The following ACADL variants were observed in gnomAD, a reference collection of about 807,000 sequenced individuals.
ACADL encodes the protein acyl-CoA dehydrogenase long chain.
Under a neutral mutation model 56.9 loss-of-function variants are expected in ACADL, and 60 were observed. That is an observed-to-expected ratio of 1.05 (90% CI 0.86 to 1.31). The LOEUF (loss-of-function observed/expected upper bound fraction) is 1.31, where lower values mean the gene tolerates loss of function less well. Among genes scored for constraint, ACADL ranks in the 50% most tolerant of loss-of-function variants. The pLI is 0.00. For missense variants in ACADL, 484 were observed against 525.5 expected (o/e 0.92, Z 0.77); for synonymous variants, 158 against 179.7 (o/e 0.88, Z 0.97).
chr2:210,223,362 A>T (rs1689208470), intron 1 of ACADL, among the ~76,000 whole-genome samples: 1 of 152,216 alleles, frequency 6.6e-6, no homozygotes, highest in South Asian at 2.1e-4. Context: ...GTTTTTTTAA[A>T]GTCTCCTACA....
intron 8 of ACADL, among the ~76,000 whole-genome samples, chr2:210,195,913 A>G (rs1688703693): frequency 6.6e-6 from 1 of 152,180 alleles, no homozygotes; most frequent in South Asian, 2.1e-4. Flanking sequence ...AGTACTAAAG[A>G]GATCAAAATC....
At chr2:210,204,487 A>T in intron 7 of ACADL, 94 bp downstream of exon 7, 1 of 969,818 alleles carries the variant, frequency 1.0e-6, no homozygotes, top group Non-Finnish European at 1.6e-6. Flanking sequence ...GCATGTATAA[A>T]TTTGAATGCA....
chr2:210,219,510 A>C (rs916787597), intron 2 of ACADL, among the ~76,000 whole-genome samples: 1 of 152,182 alleles, frequency 6.6e-6, no homozygotes, highest in Non-Finnish European at 1.5e-5. Flanking sequence ...CTCAAAAAAC[A>C]GAAGCTAGTT....
At position 210,210,372 on chromosome 2, in the gene ACADL, A is replaced by G. The variant is rs1402557249; in HGVS notation, c.537-110T>C. On this transcript the variant is annotated intron_variant, in intron 4 of 10. Coordinates refer to ENST00000233710, the MANE Select transcript of ACADL (RefSeq NM_001608.4). ...TTATTCAAACTGGCTACACCATTATAAAATTGCTGAGTATTAAGAATGTTC... is the reference window on the plus strand; with the variant it reads ...TTATTCAAACTGGCTACACCATTATGAAATTGCTGAGTATTAAGAATGTTC... 3 of 789,110 alleles carry G rather than the reference A, an allele frequency of 3.8e-6. No individual in the cohort carries two copies. The African/African-American group carries it at 5.2e-5, about 14-fold the overall frequency. 48.9% of individuals were successfully genotyped at this position (789,110 alleles called of 1,614,324 possible).
rs558630557 is a variant in ACADL, at chr2:210,195,735, T to G, written c.985-397A>C. Among the ~76,000 whole-genome samples, 26 of 152,258 alleles carry G rather than the reference T, an allele frequency of 1.7e-4. No homozygotes were observed. The South Asian group carries it at 5.2e-3, about 30-fold the overall frequency. On this transcript the variant is annotated intron_variant, in intron 8 of 10. Transcript: ENST00000233710. ...CTCCAGAGATTAAATCCTTGAAGAT[T>G]TTTTTCTTTATTAATGAAATTAAGT... is the stretch of plus-strand genomic sequence containing the variant.
At position 210,225,392 on chromosome 2, in the gene ACADL, T is replaced by A; in HGVS notation, c.-129A>T. The A allele has an allele frequency of 9.6e-7, 1 of 1,046,656 alleles. No homozygotes were observed. Among genetic ancestry groups the A allele is most frequent in the South Asian group, 1.6e-5 (1 of 61,372 alleles). 64.8% of individuals were successfully genotyped at this position (1,046,656 alleles called of 1,614,324 possible). A position where few individuals can be genotyped will look rare whatever the true frequency, so the allele number is the denominator to read the frequency against. On this transcript the variant is annotated 5_prime_UTR_variant, in exon 1 of 11. Coordinates refer to ENST00000233710, the MANE Select transcript of ACADL (RefSeq NM_001608.4). ...CTGTGGTGTCCTCCCAAAAAAGCGC[T>A]CGCGCGCGCCCTTCCGGAGCCCCAA...
intron 8 of ACADL, among the ~76,000 whole-genome samples, chr2:210,200,595 G>C (rs1025128292): frequency 6.6e-6 from 1 of 152,154 alleles, no homozygotes; most frequent in African/African-American, 2.4e-5. Context: ...ATCAAGTCAA[G>C]TCATACTGTT....
At chr2:210,223,656 TAAAAC>T (rs1430936184) in intron 1 of ACADL, among the ~76,000 whole-genome samples, 2 of 152,210 alleles carry the variant, frequency 1.3e-5, no homozygotes, top group South Asian at 2.1e-4. Context: ...CGCCAATGGA[TAAAAC>T]AGAAGCAGAT....
intron 5 of ACADL, 30 bp from the exon 6 acceptor site, chr2:210,205,826 A>C (rs1272533296): frequency 6.2e-7 from 1 of 1,611,966 alleles, no homozygotes. Context: ...TTATTAATGC[A>C]CCATGATAAT....
chr2:210,210,099 T>C, intron 5 of ACADL, 97 bp downstream of exon 5: 1 of 922,706 alleles, frequency 1.1e-6, no homozygotes, highest in South Asian at 1.4e-5. Context: ...CCTGCCTGAG[T>C]CCCTAGATTT....
intron 10 of ACADL, among the ~76,000 whole-genome samples, chr2:210,191,036 G>T (rs150692512): frequency 6.6e-5 from 10 of 151,722 alleles, no homozygotes; most frequent in African/African-American, 2.4e-4. Flanking sequence ...CATGCCTCTG[G>T]AGTAGCTGGG....
intron 3 of ACADL, chr2:210,217,643 A>T: frequency 4.8e-6 from 1 of 209,160 alleles, no homozygotes. Flanking sequence ...ATTTGATGGA[A>T]GTATATTTCT....
chr2:210,203,375 C>T lies in ACADL; in HGVS notation c.940G>A (p.Val314Ile). Reference protein sequence around the residue: ...EFMFEETRNYVKQRKAFGKTV... With the variant: ...EFMFEETRNYIKQRKAFGKTV... ...TTGCCAAAAGCTTTTCTTTGTTTAA[C>T]ATAGTTCCTGGTTTCTTCAAACATG... The change falls in exon 8 of 11, where the codon GTT (valine) becomes ATT (isoleucine). Residue 314 changes from valine (V) to isoleucine (I), a missense_variant. Physicochemically the swap from Val to Ile is conservative, Grantham distance 29. Coordinates refer to ENST00000233710, the MANE Select transcript of ACADL (RefSeq NM_001608.4). 3.7e-6 allele frequency: 6 copies of T among 1,613,570 alleles called. No individual in the cohort carries two copies. Among genetic ancestry groups the T allele is most frequent in the Non-Finnish European group, 5.1e-6 (6 of 1,179,752 alleles).
At chr2:210,216,269 TCTATGTATTAAC>T in intron 4 of ACADL, 66 bp downstream of exon 4, 2 of 1,497,090 alleles carry the variant, frequency 1.3e-6, no homozygotes, top group Non-Finnish European at 1.8e-6. Context: ...TATAGCTCAG[TCTATGTATTAAC>T]CAAGTACTAA....
intron 4 of ACADL, among the ~76,000 whole-genome samples, chr2:210,212,628 C>T (rs1156674101): frequency 1.3e-5 from 2 of 152,152 alleles, no homozygotes; most frequent in African/African-American, 4.8e-5. Flanking sequence ...CATAAAGCAA[C>T]AAATATACTC....
chr2:210,202,712 T>C (rs1467225901), intron 8 of ACADL, among the ~76,000 whole-genome samples: 1 of 152,096 alleles, frequency 6.6e-6, no homozygotes, highest in Non-Finnish European at 1.5e-5. Context: ...AAAAAATTAA[T>C]AACTCCCAAA....
intron 4 of ACADL, 63 bp from the exon 5 acceptor site, chr2:210,210,325 ATAAG>A (rs1413255279): frequency 8.3e-7 from 1 of 1,201,306 alleles, no homozygotes; most frequent in African/African-American, 1.5e-5. Flanking sequence ...TACAAATGAT[ATAAG>A]TATGTATGTA....
In ACADL at chr2:210,205,845, A is replaced by G. The variant is rs371659255; in HGVS notation, c.604-49T>C. ...TAATGCACCATGATAATTCAATTCT[A>G]TGTGCAAGTTATGATTGGGAGAAAG... On this transcript the variant is annotated intron_variant, in intron 5 of 10. Coordinates refer to ENST00000233710, the MANE Select transcript of ACADL (RefSeq NM_001608.4). 8.1e-6 allele frequency: 13 copies of G among 1,602,920 alleles called. No individual in the cohort carries two copies. In the African/African-American group the frequency reaches 1.6e-4, roughly 20 times the overall value.
rs1243614652 is a variant in ACADL at position 210,225,321 on chromosome 2, C to T, written c.-58G>A. The T allele has an allele frequency of 2.0e-6, 3 of 1,510,610 alleles. No homozygotes were observed. The highest frequency in any genetic ancestry group is 2.0e-5 in the Admixed American group (1 of 50,658). 93.6% of individuals were successfully genotyped at this position (1,510,610 alleles called of 1,614,324 possible). On this transcript the variant is annotated 5_prime_UTR_variant, in exon 1 of 11. Transcript: ENST00000233710. ...GCGACTCTGCGGCTACTCGGCGACT[C>T]GGGGCAGGGTCCCCGGGAGGGAGGA...
Sources: allele counts gnomAD v4.1 joint callset (sites outside exome capture counted in the v4.1 genomes callset), GRCh38; gene constraint gnomAD v4.1.1; transcripts MANE v1.5; gene names NCBI Gene and HGNC (gene_info 2026-07-23, HGNC 2026-07-21).